The following CRTC3 variants were observed in gnomAD, a reference collection of about 807,000 sequenced individuals.
The protein encoded by CRTC3 is CREB-regulated transcription coactivator 3.
Under a neutral mutation model 74.5 loss-of-function variants are expected in CRTC3, and 26 were observed. That is an observed-to-expected ratio of 0.35 (90% CI 0.26 to 0.48). The LOEUF is 0.48. CRTC3 is among the 20% of genes least tolerant of loss of function. CRTC3 has a pLI of 0.99. For synonymous variants in CRTC3, 377 were observed against 325.8 expected, an observed-to-expected ratio of 1.16 and a Z score of -1.69; for missense variants, 760 against 787.3, an observed-to-expected ratio of 0.97 and a Z score of 0.41.
rs2151099786 is a variant in CRTC3 at position 90,642,008 on chromosome 15, C to T, written c.1728C>T (p.Asp576=). Residue 576 remains aspartate, a synonymous_variant, in exon 15 of 15, where the codon GAC becomes GAT. Coordinates refer to ENST00000268184, the MANE Select transcript of CRTC3 (RefSeq NM_022769.5). Reference sequence around the variant, plus strand: ...TGCCTGAGGTCAGCCTGAACGTGGACACTCCATTTCCACTGGAAGAGGAGC... The same window carrying T: ...TGCCTGAGGTCAGCCTGAACGTGGATACTCCATTTCCACTGGAAGAGGAGC... The part of the protein sequence containing the change: ...AGLPEVSLNV[D]TPFPLEEELQ... 1.2e-6 allele frequency: 2 copies of T among 1,613,910 alleles called. No individual in the cohort carries two copies. The highest frequency in any genetic ancestry group is 2.7e-5 in the African/African-American group (2 of 75,062).
chr15:90,545,725 T>C (rs543301676), intron 2 of CRTC3, among the ~76,000 whole-genome samples: 180 of 145,032 alleles, frequency 1.2e-3, no homozygotes, highest in Non-Finnish European at 2.0e-3. Flanking sequence ...TACAGGCACC[T>C]GCCACCACGC....
chr15:90,583,748 G>C (rs1319544775), intron 2 of CRTC3, among the ~76,000 whole-genome samples: 1 of 152,170 alleles, frequency 6.6e-6, no homozygotes, highest in Non-Finnish European at 1.5e-5. Flanking sequence ...GGCAAAGGAA[G>C]AGTGTTGGGG....
intron 7 of CRTC3, among the ~76,000 whole-genome samples, chr15:90,616,440 C>T (rs1004578385): frequency 6.6e-6 from 1 of 152,206 alleles, no homozygotes; most frequent in African/African-American, 2.4e-5. Flanking sequence ...AGTCTTTTCT[C>T]AAAATTTACT....
Position 90,638,466 on chromosome 15 carries a change from C to T in CRTC3, c.1287C>T (p.Ser429=), listed in dbSNP as rs1455140847. The T allele has an allele frequency of 1.9e-6, 3 of 1,613,964 alleles. No individual in the cohort carries two copies. The East Asian group carries it at 6.7e-5, about 36-fold the overall frequency. ...PTSQMVSSDR[S]QLSFLPTEAQ... ...TGCAGATGGTGTCCTCAGACCGAAGCCAACTTTCCTTTCTGCCCACAGAAG... is the reference window on the plus strand; with the variant it reads ...TGCAGATGGTGTCCTCAGACCGAAGTCAACTTTCCTTTCTGCCCACAGAAG... The change falls in exon 12 of 15, where the codon AGC becomes AGT. Residue 429 remains serine (S), a synonymous_variant. Transcript: ENST00000268184.
intron 9 of CRTC3, 69 bp downstream of exon 9, chr15:90,619,859 T>C: frequency 7.5e-7 from 1 of 1,325,210 alleles, no homozygotes; most frequent in Non-Finnish European, 1.1e-6. Flanking sequence ...GTCTCGCTGC[T>C]TTGTTACAGA....
chr15:90,547,792 A>G (rs1019328177), intron 2 of CRTC3, among the ~76,000 whole-genome samples: 5 of 152,042 alleles, frequency 3.3e-5, no homozygotes, highest in Non-Finnish European at 7.4e-5. Context: ...GCTAGGGCAC[A>G]TGTTGACTGA....
At chr15:90,552,299 C>T (rs1368559728) in intron 2 of CRTC3, among the ~76,000 whole-genome samples, 1 of 152,198 alleles carries the variant, frequency 6.6e-6, no homozygotes, top group East Asian at 1.9e-4. Flanking sequence ...GAAGGCTGCT[C>T]TGCCTTAAGC....
chr15:90,616,763 T>C (rs1567186152), intron 7 of CRTC3, among the ~76,000 whole-genome samples: 1 of 152,238 alleles, frequency 6.6e-6, no homozygotes, highest in Non-Finnish European at 1.5e-5. Flanking sequence ...CTGAGAGAGT[T>C]AAAGCAGAAA....
chr15:90,545,686 C>T (rs889700209), intron 2 of CRTC3, among the ~76,000 whole-genome samples: 18 of 152,240 alleles, frequency 1.2e-4, no homozygotes, highest in African/African-American at 4.3e-4. Context: ...AAGCAATTCT[C>T]CTGCCTCAGC....
intron 2 of CRTC3, among the ~76,000 whole-genome samples, chr15:90,588,712 A>G (rs2151076139): frequency 6.6e-6 from 1 of 152,212 alleles, no homozygotes; most frequent in East Asian, 1.9e-4. Context: ...GCACCGTGGG[A>G]GGCTCAGAAT....
chr15:90,553,561 C>G (rs1966867555), intron 2 of CRTC3, among the ~76,000 whole-genome samples: 1 of 152,088 alleles, frequency 6.6e-6, no homozygotes, highest in African/African-American at 2.4e-5. Context: ...TGGGATAAAG[C>G]CTTTGTTTGA....
chr15:90,631,345 C>T (rs1028869635), intron 11 of CRTC3, among the ~76,000 whole-genome samples: 2 of 152,108 alleles, frequency 1.3e-5, no homozygotes, highest in African/African-American at 4.8e-5. Context: ...CCCAAGTGAT[C>T]CTCCTGCCTC....
intron 2 of CRTC3, among the ~76,000 whole-genome samples, chr15:90,543,221 A>G (rs1316919612): frequency 6.9e-6 from 1 of 145,364 alleles, no homozygotes; most frequent in Non-Finnish European, 1.5e-5. Context: ...TGAGTGCTTG[A>G]GTCCAGAGAG....
chr15:90,641,613 C>T (rs890916208), intron 14 of CRTC3, among the ~76,000 whole-genome samples: 1 of 151,514 alleles, frequency 6.6e-6, no homozygotes, highest in Admixed American at 6.6e-5. Flanking sequence ...GGCAGAATGG[C>T]ACCAACCCAG....
intron 2 of CRTC3, among the ~76,000 whole-genome samples, chr15:90,588,554 A>G (rs1596104712): frequency 2.6e-5 from 4 of 152,234 alleles, no homozygotes; most frequent in Admixed American, 2.6e-4. Context: ...CAATATGAAC[A>G]TCACATTTGC....
intron 2 of CRTC3, among the ~76,000 whole-genome samples, chr15:90,590,054 G>T (rs1303937019): frequency 6.6e-6 from 1 of 151,946 alleles, no homozygotes; most frequent in Non-Finnish European, 1.5e-5. Flanking sequence ...ACTTTGGGAG[G>T]CTGAGGCGGG....
intron 5 of CRTC3, among the ~76,000 whole-genome samples, chr15:90,605,259 AAAAG>A (rs1011834516): frequency 1.3e-5 from 2 of 152,150 alleles, no homozygotes; most frequent in African/African-American, 4.8e-5. Flanking sequence ...CTCAAAATAA[AAAAG>A]AAACCCGATG....
chr15:90,620,982 G>C (rs1472758080), intron 9 of CRTC3, among the ~76,000 whole-genome samples: 4 of 152,086 alleles, frequency 2.6e-5, no homozygotes, highest in Admixed American at 6.5e-5. Context: ...GTGATTTGCT[G>C]AGCTGCGCCA....
In CRTC3 at chr15:90,644,970, G is replaced by A. The variant is rs891775739; in HGVS notation, c.*2830G>A. 5 of 232,352 alleles carry A rather than the reference G, an allele frequency of 2.2e-5. No individual in the cohort carries two copies. The highest frequency in any genetic ancestry group is 4.3e-5 in the Non-Finnish European group (5 of 117,572). The allele number at this position is 232,352 out of a possible 1,614,324, so 14.4% of individuals were successfully genotyped here. ...TGGGTTTTAGGACATAGGGGGTTAG[G>A]AGAAGGGGTTTCTTGATCATGTCAT... On this transcript the variant is annotated 3_prime_UTR_variant, in exon 15 of 15. Transcript: ENST00000268184.
Sources: gnomAD v4.1 joint callset for allele counts (sites outside exome capture counted in the v4.1 genomes callset) on GRCh38, gnomAD v4.1.1 for gene constraint, MANE v1.5 for transcripts, NCBI Gene and HGNC (gene_info 2026-07-23, HGNC 2026-07-21) for gene names.